MYO1G: variants seen among roughly 807,000 people sequenced by gnomAD.
MYO1G encodes the protein myosin IG.
A neutral mutation model predicts 115.3 loss-of-function variants in MYO1G; 65 were observed. The observed-to-expected ratio is 0.56, with a 90% CI of 0.46 to 0.69. The LOEUF (loss-of-function observed/expected upper bound fraction) is 0.69. Ranked by LOEUF, MYO1G falls within the 30% of genes least tolerant of loss-of-function variation. MYO1G has a pLI of 0.00. For synonymous variants in MYO1G, 510 were observed against 552.6 expected (o/e 0.92, Z 1.08); for missense variants, 1,204 against 1,393.5 (o/e 0.86, Z 2.16).
At position 44,962,876 on chromosome 7, in the gene MYO1G, C is replaced by A; in HGVS notation, c.2920G>T (p.Val974Phe). 1 of 1,495,164 alleles carries A rather than the reference C, an allele frequency of 6.7e-7. No individual in the cohort carries two copies. The allele number at this position is 1,495,164 out of a possible 1,614,324, so 92.6% of individuals were successfully genotyped here. A position where few individuals can be genotyped will look rare whatever the true frequency, so the allele number is the denominator to read the frequency against. Residue 974 changes from valine (V) to phenylalanine (F), a missense_variant, in exon 22 of 22, where the codon GTT becomes TTT. Coordinates refer to ENST00000258787, the MANE Select transcript of MYO1G (RefSeq NM_033054.3). This position sits in a 1 kb window ranked among gnomAD's most constrained non-coding sequence, Gnocchi z 5.3. The stretch of plus-strand genomic sequence containing the variant: ...AGTGGGATGCAGTCGGAGACGCGAA[C>A]CTCCAGGGTGCGGCCCTCCCTGCGG... ...HCQGEGRTLE[V>F]RVSDCIPLSH...
chr7:44,962,695 G>T lies in MYO1G; in HGVS notation c.*44C>A, dbSNP rs778965070. ...CAGAAGGTTTATTTGCAGCGCTGGC[G>T]GGGCGGACAATTGGCGGCCTCGGGG... On this transcript the variant is annotated 3_prime_UTR_variant, in exon 22 of 22. Coordinates refer to ENST00000258787, the MANE Select transcript of MYO1G (RefSeq NM_033054.3). This position sits in a 1 kb window ranked among gnomAD's most constrained non-coding sequence, Gnocchi z 5.3. 1.4e-6 allele frequency: 2 copies of T among 1,449,204 alleles called. No homozygotes were observed. Among genetic ancestry groups the T allele is most frequent in the Admixed American group, 2.6e-5 (1 of 38,434 alleles). The allele number at this position is 1,449,204 out of a possible 1,614,324, so 89.8% of individuals were successfully genotyped here. A position where few individuals can be genotyped will look rare whatever the true frequency, so the allele number is the denominator to read the frequency against.
At chr7:44,976,008 G>A (rs571101055) in intron 3 of MYO1G, among the ~76,000 whole-genome samples, 2 of 152,342 alleles carry the variant, frequency 1.3e-5, no homozygotes, top group South Asian at 4.1e-4. Flanking sequence ...CTGCAGGGGT[G>A]GGCAGTGGTG....
chr7:44,972,176 C>A lies in MYO1G; in HGVS notation c.668G>T (p.Arg223Ile), dbSNP rs779921725. 2 of 1,614,040 alleles carry A rather than the reference C, an allele frequency of 1.2e-6. No homozygotes were observed. Among genetic ancestry groups the A allele is most frequent in the African/African-American group, 1.3e-5 (1 of 74,936 alleles). ...TGTGAAATTGTATACAGCAGGGTTT[C>A]TCTCCAAGTGCAGTTCATGCAGCTG... ...DKQLHELHLE[R>I]NPAVYNFTHQ... Residue 223 changes from arginine to isoleucine, a missense_variant, in exon 6 of 22, where the codon AGA (arginine) becomes ATA (isoleucine). Coordinates refer to ENST00000258787, the MANE Select transcript of MYO1G (RefSeq NM_033054.3).
intron 12 of MYO1G, chr7:44,968,421 C>G (rs1000881819): frequency 6.1e-6 from 1 of 163,120 alleles, no homozygotes; most frequent in Non-Finnish European, 1.3e-5. Flanking sequence ...GCCTCAGAAT[C>G]ACTGTCTAGT....
intron 1 of MYO1G, 100 bp from the exon 2 acceptor site, chr7:44,977,171 G>A (rs906623195): frequency 1.5e-5 from 17 of 1,117,060 alleles, no homozygotes; most frequent in East Asian, 5.1e-5. Context: ...GTAGGCCAGC[G>A]CTCCCACCCT....
chr7:44,972,311 G>T, intron 5 of MYO1G, 86 bp from the exon 6 acceptor site: 1 of 1,008,158 alleles, frequency 9.9e-7, no homozygotes, highest in Non-Finnish European at 1.6e-6. Flanking sequence ...AAACAGACTT[G>T]CGCTTCCTTC....
intron 2 of MYO1G, 83 bp from the exon 3 acceptor site, chr7:44,976,740 C>T: frequency 6.3e-7 from 1 of 1,587,288 alleles, no homozygotes; most frequent in Non-Finnish European, 8.6e-7. Context: ...ACCCCCAAGA[C>T]TGGCAAGATG....
chr7:44,970,291 G>C lies in MYO1G; in HGVS notation c.1218-137C>G, dbSNP rs1255875621. ...CAGCACCCTGTGTGGCTTCCCTGTG[G>C]CTTATGCATCCCTGCCCTGGACTCC... On this transcript the variant is annotated intron_variant, in intron 9 of 21. Coordinates refer to ENST00000258787, the MANE Select transcript of MYO1G (RefSeq NM_033054.3). 9.6e-6 allele frequency: 7 copies of C among 729,928 alleles called. No homozygotes were observed. In the East Asian group the frequency reaches 1.9e-4, roughly 20 times the overall value. 45.2% of individuals were successfully genotyped at this position (729,928 alleles called of 1,614,324 possible). A position where few individuals can be genotyped will look rare whatever the true frequency, so the allele number is the denominator to read the frequency against.
chr7:44,975,334 G>T, intron 4 of MYO1G, 107 bp from the exon 5 acceptor site: 1 of 1,495,852 alleles, frequency 6.7e-7, no homozygotes, highest in South Asian at 1.1e-5. Context: ...AGAGAGTCCT[G>T]ACTATGAGGA....
Position 44,969,135 on chromosome 7 carries a change from A to C in MYO1G, c.1574+278T>G. ...CAGCCTGAAGCCCCCCACCCCACAG[A>C]TGCTGGTATAGGGTTGGGCCCAGAC... On this transcript the variant is annotated intron_variant, in intron 12 of 21. Coordinates refer to ENST00000258787, the MANE Select transcript of MYO1G (RefSeq NM_033054.3). This position sits in a 1 kb window ranked among gnomAD's most constrained non-coding sequence, Gnocchi z 5.0. 6.7e-6 allele frequency: 2 copies of C among 297,036 alleles called. No homozygotes were observed. The highest frequency in any genetic ancestry group is 1.3e-5 in the Non-Finnish European group (2 of 154,290). The allele number at this position is 297,036 out of a possible 1,614,324, so 18.4% of individuals were successfully genotyped here.
Position 44,966,962 on chromosome 7 carries a change from G to C in MYO1G, c.1783-124C>G. On this transcript the variant is annotated intron_variant, in intron 14 of 21. Transcript: ENST00000258787. The surrounding 1 kb of genome is among the most constrained non-coding windows in gnomAD (Gnocchi z 5.0). ...GGAGAAGAGTTGGGAACAAAGAAGG[G>C]AAATCAGCAGAACAAGGGCCCTGGA... 9.1e-7 allele frequency: 1 copy of C among 1,093,774 alleles called. No individual in the cohort carries two copies. Among genetic ancestry groups the C allele is most frequent in the Non-Finnish European group, 1.3e-6 (1 of 765,992 alleles). The allele number at this position is 1,093,774 out of a possible 1,614,324, so 67.8% of individuals were successfully genotyped here. A position where few individuals can be genotyped will look rare whatever the true frequency, so the allele number is the denominator to read the frequency against.
intron 7 of MYO1G, 71 bp from the exon 8 acceptor site, chr7:44,971,130 A>C: frequency 7.1e-7 from 1 of 1,410,882 alleles, no homozygotes; most frequent in South Asian, 1.3e-5. Flanking sequence ...TTGGACAAGA[A>C]GGAGGAAGGA....
Position 44,970,920 on chromosome 7 carries a change from C to T in MYO1G, c.986G>A (p.Arg329His), listed in dbSNP as rs764567133. ...RDLVLRSLLA[R>H]TVASGGRELI... ...TTCCCTGCCTCCCGAGGCAACTGTG[C>T]GAGCCAGCAGGGAGCGGAGCACGAG... The change falls in exon 8 of 22, where the codon CGC becomes CAC. Residue 329 changes from arginine to histidine, a missense_variant. Transcript: ENST00000258787. 1.4e-5 allele frequency: 22 copies of T among 1,613,242 alleles called. No individual in the cohort carries two copies. The highest frequency in any genetic ancestry group is 1.8e-5 in the Non-Finnish European group (21 of 1,179,980).
chr7:44,969,190 C>T lies in MYO1G; in HGVS notation c.1574+223G>A. ...GACGTGGGTATTTTTTAAAGGCTCC[C>T]AGAAGAATGCAGCCATGGTTAACCA... On this transcript the variant is annotated intron_variant, in intron 12 of 21. Coordinates refer to ENST00000258787, the MANE Select transcript of MYO1G (RefSeq NM_033054.3). The surrounding 1 kb of genome is among the most constrained non-coding windows in gnomAD (Gnocchi z 5.0). The T allele has an allele frequency of 1.8e-6, 1 of 547,742 alleles. No homozygotes were observed. Among genetic ancestry groups the T allele is most frequent in the Non-Finnish European group, 3.3e-6 (1 of 301,470 alleles). The allele number at this position is 547,742 out of a possible 1,614,324, so 33.9% of individuals were successfully genotyped here. A position where few individuals can be genotyped will look rare whatever the true frequency, so the allele number is the denominator to read the frequency against.
intron 1 of MYO1G, among the ~76,000 whole-genome samples, chr7:44,977,818 C>T (rs772890873): frequency 2.0e-4 from 31 of 152,238 alleles, no homozygotes; most frequent in Non-Finnish European, 3.5e-4. Flanking sequence ...CCCTGTCTCC[C>T]GGCAGCCTGT....
chr7:44,966,844 G>C lies in MYO1G; in HGVS notation c.1783-6C>G. 6.3e-7 allele frequency: 1 copy of C among 1,596,644 alleles called. No homozygotes were observed. The highest frequency in any genetic ancestry group is 8.5e-7 in the Non-Finnish European group (1 of 1,170,262). On this transcript the variant is annotated splice_polypyrimidine_tract_variant and splice_region_variant and intron_variant, in intron 14 of 21. Transcript: ENST00000258787. This position sits in a 1 kb window ranked among gnomAD's most constrained non-coding sequence, Gnocchi z 5.0. ...CAGCGGACGTAGAAGGGCTCCTGCAGGGACAGAGGGGACTTGGAGAGGGTC... is the reference window on the plus strand; with the variant it reads ...CAGCGGACGTAGAAGGGCTCCTGCACGGACAGAGGGGACTTGGAGAGGGTC...
chr7:44,972,165 C>T lies in MYO1G; in HGVS notation c.679G>A (p.Val227Ile). Residue 227 changes from valine to isoleucine, a missense_variant, in exon 6 of 22, where the codon GTA (valine) becomes ATA (isoleucine). Transcript: ENST00000258787. Reference protein sequence around the residue: ...HELHLERNPAVYNFTHQGAGL... With the variant: ...HELHLERNPAIYNFTHQGAGL... ...GCTCCCTGGTGTGTGAAATTGTATA[C>T]AGCAGGGTTTCTCTCCAAGTGCAGT... 1.9e-6 allele frequency: 3 copies of T among 1,614,144 alleles called. No individual in the cohort carries two copies. The highest frequency in any genetic ancestry group is 2.5e-6 in the Non-Finnish European group (3 of 1,180,014).
rs184076680 is a variant in MYO1G at position 44,965,436 on chromosome 7, C to T, written c.2381+201G>A. The stretch of plus-strand genomic sequence containing the variant: ...GGCTGCAGCCCTGGACCTTGAATGC[C>T]CACCACAGTACCCAAGATGGTCAGG... On this transcript the variant is annotated intron_variant, in intron 17 of 21. Coordinates refer to ENST00000258787, the MANE Select transcript of MYO1G (RefSeq NM_033054.3). Among the ~76,000 whole-genome samples, 196 of 152,378 alleles carry T rather than the reference C, an allele frequency of 1.3e-3. 5 individuals carry two copies. The East Asian group carries it at 0.025, about 19-fold the overall frequency.
Position 44,963,031 on chromosome 7 carries a change from G to C in MYO1G, c.2839C>G (p.Arg947Gly). The C allele has an allele frequency of 6.5e-7, 1 of 1,531,604 alleles. No homozygotes were observed. Among genetic ancestry groups the C allele is most frequent in the Non-Finnish European group, 8.7e-7 (1 of 1,143,946 alleles). The allele number at this position is 1,531,604 out of a possible 1,614,324, so 94.9% of individuals were successfully genotyped here. Residue 947 changes from arginine to glycine, a missense_variant, in exon 21 of 22, where the codon CGG becomes GGG. By Grantham distance (125) the Arg-to-Gly change is moderately radical (BLOSUM62 -2). Transcript: ENST00000258787. The surrounding 1 kb of genome is among the most constrained non-coding windows in gnomAD (Gnocchi z 4.1). ...DDLVVCLHRS[R>G]PPLDNRVGEL... Reference sequence around the variant, plus strand: ...CCAACGCGGTTGTCCAATGGCGGCCGGGAGCGGTGCAGGCACACCACGAGG... The same window carrying C: ...CCAACGCGGTTGTCCAATGGCGGCCCGGAGCGGTGCAGGCACACCACGAGG...
Sources: gnomAD v4.1 joint callset for allele counts (sites outside exome capture counted in the v4.1 genomes callset) on GRCh38, gnomAD v4.1.1 for gene constraint, Gnocchi (gnomAD v3.1) non-coding constraint, MANE v1.5 for transcripts, NCBI Gene and HGNC (gene_info 2026-07-23, HGNC 2026-07-21) for gene names.